PDCD11: variants seen among roughly 807,000 people sequenced by gnomAD.
PDCD11 encodes the protein protein RRP5 homolog.
A neutral mutation model predicts 198.9 loss-of-function variants in PDCD11; 97 were observed. That is an observed-to-expected ratio of 0.49 (90% CI 0.41 to 0.58). PDCD11 has a LOEUF of 0.58. Among genes scored for constraint, PDCD11 ranks in the 20% least tolerant of loss-of-function variants. The pLI is 0.00. For missense variants in PDCD11, 2,102 were observed against 2,312.7 expected (o/e 0.91, Z 1.87); for synonymous variants, 893 against 918.0 (o/e 0.97, Z 0.49).
chr10:103,417,195 CAG>C (rs1474480456), intron 13 of PDCD11, among the ~76,000 whole-genome samples: 2 of 150,588 alleles, frequency 1.3e-5, no homozygotes, highest in East Asian at 1.9e-4. Flanking sequence ...TTTTTTGAGA[CAG>C]AGTTTCCTCT....
intron 17 of PDCD11, 120 bp downstream of exon 17, chr10:103,421,687 G>T (rs182214593): frequency 1.3e-6 from 1 of 753,930 alleles, no homozygotes; most frequent in East Asian, 2.8e-5. Context: ...ATTTGGGGCC[G>T]GGCGCGGTGG....
In PDCD11 at chr10:103,444,505, C is replaced by T. The variant is rs200628480; in HGVS notation, c.5279-12C>T. ...CTGCTTGTTGGGTCTCTGAGCAGTC[C>T]TCTCCCTGCAGATGTGGATGTCATT... On this transcript the variant is annotated splice_polypyrimidine_tract_variant and intron_variant, in intron 34 of 35. Transcript: ENST00000369797. 2 of 1,613,648 alleles carry T rather than the reference C, an allele frequency of 1.2e-6. No individual in the cohort carries two copies. The highest frequency in any genetic ancestry group is 4.5e-5 in the East Asian group (2 of 44,880).
chr10:103,401,250 T>A (rs1363488164), intron 3 of PDCD11, among the ~76,000 whole-genome samples: 2 of 152,120 alleles, frequency 1.3e-5, no homozygotes, highest in African/African-American at 4.8e-5. Context: ...TTTTTATTTT[T>A]TAATTTTGAA....
In PDCD11 at chr10:103,397,547, C is replaced by T. The variant is rs528570978; in HGVS notation, c.-12+817C>T. The stretch of plus-strand genomic sequence containing the variant: ...GCCTCCCGGCCTCAAGCAATTCTCA[C>T]GCTTCAGCCTGCCTAGTAGCTGGGA... On this transcript the variant is annotated intron_variant, in intron 1 of 35. Coordinates refer to ENST00000369797, the MANE Select transcript of PDCD11 (RefSeq NM_014976.2). Among the ~76,000 whole-genome samples the T allele has an allele frequency of 2.1e-4, 32 of 152,336 alleles. 2 individuals are homozygous for T. The East Asian group carries it at 6.2e-3, about 29-fold the overall frequency.
At chr10:103,432,323 A>G in intron 22 of PDCD11, 89 bp downstream of exon 22, 2 of 915,042 alleles carry the variant, frequency 2.2e-6, no homozygotes, top group South Asian at 1.4e-5. Flanking sequence ...TTAGCAGAGA[A>G]AGGCATTTGA....
chr10:103,440,312 G>A lies in PDCD11; in HGVS notation c.4171G>A (p.Val1391Ile), dbSNP rs752458097. Reference sequence around the variant, plus strand: ...TAGCCTTAACCACCAGAAGAACCTGGTAGAGCTGTCTTTCCTCCCCGGAGA... The same window carrying A: ...TAGCCTTAACCACCAGAAGAACCTGATAGAGCTGTCTTTCCTCCCCGGAGA... ...VLRLNHQKNL[V>I]ELSFLPGDTG... is the part of the protein sequence containing the mutation. The change falls in exon 29 of 36, where the codon GTA (valine) becomes ATA (isoleucine). Residue 1391 changes from valine to isoleucine, a missense_variant. By Grantham distance (29) the Val-to-Ile change is conservative. Coordinates refer to ENST00000369797, the MANE Select transcript of PDCD11 (RefSeq NM_014976.2). The A allele has an allele frequency of 3.7e-6, 6 of 1,613,844 alleles. No homozygotes were observed. Among genetic ancestry groups the A allele is most frequent in the Non-Finnish European group, 5.1e-6 (6 of 1,179,950 alleles).
At chr10:103,415,758 G>A (rs114268856) in intron 12 of PDCD11, among the ~76,000 whole-genome samples, 92 of 152,292 alleles carry the variant, frequency 6.0e-4, no homozygotes, top group African/African-American at 2.2e-3. Flanking sequence ...TGGAAGGTTG[G>A]GGAGAGCAAA....
intron 7 of PDCD11, among the ~76,000 whole-genome samples, chr10:103,408,318 T>C (rs963251659): frequency 1.3e-5 from 2 of 152,090 alleles, no homozygotes; most frequent in Non-Finnish European, 2.9e-5. Flanking sequence ...TGGAGCCTTC[T>C]TTGGTCCCAT....
At chr10:103,417,315 G>A (rs879531583) in intron 13 of PDCD11, among the ~76,000 whole-genome samples, 14 of 152,234 alleles carry the variant, frequency 9.2e-5, no homozygotes, top group Non-Finnish European at 1.5e-4. Flanking sequence ...GGGACTACAG[G>A]CATGTGCCGG....
At chr10:103,423,889 A>T (rs1407940214) in intron 19 of PDCD11, among the ~76,000 whole-genome samples, 2 of 152,194 alleles carry the variant, frequency 1.3e-5, no homozygotes, top group Non-Finnish European at 2.9e-5. Flanking sequence ...GGCCAGACAG[A>T]TAAATAGTGT....
Position 103,427,455 on chromosome 10 carries a change from C to G in PDCD11, c.3368+64C>G, listed in dbSNP as rs973851161. 3.0e-5 allele frequency: 38 copies of G among 1,284,242 alleles called. No individual in the cohort carries two copies. In the African/African-American group the frequency reaches 4.5e-4, roughly 15 times the overall value. 79.6% of individuals were successfully genotyped at this position (1,284,242 alleles called of 1,614,324 possible). A position where few individuals can be genotyped will look rare whatever the true frequency, so the allele number is the denominator to read the frequency against. ...CACTGGGCTTTGGAATTAGGAATCCCGAATTCGAATCTTGATTTTACCAGT... is the reference window on the plus strand; with the variant it reads ...CACTGGGCTTTGGAATTAGGAATCCGGAATTCGAATCTTGATTTTACCAGT... On this transcript the variant is annotated intron_variant, in intron 21 of 35. Transcript: ENST00000369797.
Position 103,427,131 on chromosome 10 carries a change from A to G in PDCD11, c.3306-198A>G, listed in dbSNP as rs540570823. On this transcript the variant is annotated intron_variant, in intron 20 of 35. Coordinates refer to ENST00000369797, the MANE Select transcript of PDCD11 (RefSeq NM_014976.2). ...CCCAGAAAAAAAAAAAATTCAGATG[A>G]GCCTGCTCCTTACTAATAACTGCAA... Among the ~76,000 whole-genome samples, 3 of 151,702 alleles carry G rather than the reference A, an allele frequency of 2.0e-5. No homozygotes were observed. In the South Asian group the frequency reaches 6.2e-4, roughly 32 times the overall value.
chr10:103,413,198 G>A lies in PDCD11; in HGVS notation c.1061G>A (p.Arg354His), dbSNP rs527328139. The A allele has an allele frequency of 1.4e-5, 23 of 1,614,058 alleles. No homozygotes were observed. Among genetic ancestry groups the A allele is most frequent in the South Asian group, 1.2e-4 (11 of 91,082 alleles). Residue 354 changes from arginine (R) to histidine (H), a missense_variant, in exon 9 of 36, where the codon CGC becomes CAC. Transcript: ENST00000369797. ...CGCCCCATCTTCCTACAGCCTGGAC[G>A]CCCACTCACCCGACTCTCTTGCCAG... ...SLRPIFLQPG[R>H]PLTRLSCQNL...
intron 8 of PDCD11, 47 bp from the exon 9 acceptor site, chr10:103,413,069 G>T (rs2030896371): frequency 1.4e-6 from 2 of 1,455,152 alleles, no homozygotes; most frequent in African/African-American, 1.4e-5. Context: ...GCTCTAGGGT[G>T]CTCCTGTGTG....
intron 23 of PDCD11, 93 bp downstream of exon 23, chr10:103,434,130 C>G: frequency 7.9e-7 from 1 of 1,258,670 alleles, no homozygotes; most frequent in Non-Finnish European, 1.2e-6. Context: ...TTTGAGGAAG[C>G]TTGTTCTTTA....
At chr10:103,433,496 CA>C (rs368230855) in intron 22 of PDCD11, among the ~76,000 whole-genome samples, 251 of 149,790 alleles carry the variant, frequency 1.7e-3, no homozygotes, top group African/African-American at 5.3e-3. Context: ...GACTCTGTCT[CA>C]AAAAAAAAGG....
chr10:103,398,298 A>C (rs1287314579), intron 1 of PDCD11, 118 bp from the exon 2 acceptor site: 1 of 665,900 alleles, frequency 1.5e-6, no homozygotes, highest in Non-Finnish European at 2.7e-6. Flanking sequence ...TCTATGTTGT[A>C]GTCCTGAATG....
chr10:103,421,973 CAA>C (rs964087668), intron 17 of PDCD11, among the ~76,000 whole-genome samples: 2 of 26,184 alleles, frequency 7.6e-5, no homozygotes, highest in Non-Finnish European at 1.6e-4. Flanking sequence ...GACTCCGTCT[CAA>C]AAAAAAAAAA....
At chr10:103,405,243 A>C in intron 5 of PDCD11, 60 bp downstream of exon 5, 1 of 1,556,144 alleles carries the variant, frequency 6.4e-7, no homozygotes, top group Non-Finnish European at 8.8e-7. Context: ...CCTCTGAGGG[A>C]GCGTGGTCTA....
Sources: allele counts gnomAD v4.1 joint callset (sites outside exome capture counted in the v4.1 genomes callset), GRCh38; gene constraint gnomAD v4.1.1; transcripts MANE v1.5; gene names NCBI Gene and HGNC (gene_info 2026-07-23, HGNC 2026-07-21).